Variants in SLC2A8 observed in about 807,000 individuals in gnomAD.
SLC2A8 encodes the protein solute carrier family 2 member 8, also known as solute carrier family 2, facilitated glucose transporter member 8.
SLC2A8 carries 53 observed loss-of-function variants against 49.2 expected under a neutral mutation model. The observed-to-expected ratio is 1.08, with a 90% CI of 0.86 to 1.35. The LOEUF (loss-of-function observed/expected upper bound fraction) is 1.35. Ranked by LOEUF, SLC2A8 falls within the 40% of genes most tolerant of loss-of-function variation. The pLI, the probability that SLC2A8 is intolerant of heterozygous loss-of-function variation, is 0.00. For synonymous variants in SLC2A8, 299 were observed against 297.0 expected, an observed-to-expected ratio of 1.01 and a Z score of -0.07; for missense variants, 688 against 671.7, an observed-to-expected ratio of 1.02 and a Z score of -0.27.
Position 127,403,814 on chromosome 9 carries a change from C to T in SLC2A8, c.867+11C>T. 1 of 1,610,128 alleles carries T rather than the reference C, an allele frequency of 6.2e-7. No individual in the cohort carries two copies. On this transcript the variant is annotated intron_variant, in intron 6 of 9. Coordinates refer to ENST00000373371, the MANE Select transcript of SLC2A8 (RefSeq NM_014580.5). ...GAGGCCAAGTTCAAGGTAAAAGGGCCCTGCCTGGCCTGCCTCGTCCAGCCC... is the reference window on the plus strand; with the variant it reads ...GAGGCCAAGTTCAAGGTAAAAGGGCTCTGCCTGGCCTGCCTCGTCCAGCCC...
At chr9:127,400,581 G>A (rs1448364611) in intron 4 of SLC2A8, among the ~76,000 whole-genome samples, 1 of 152,194 alleles carries the variant, frequency 6.6e-6, no homozygotes, top group African/African-American at 2.4e-5. Flanking sequence ...TTACTGTGCA[G>A]TGACAAACCA....
In SLC2A8 at chr9:127,402,588, G is replaced by A. The variant is rs924302616; in HGVS notation, c.558G>A (p.Val186=). 2 of 1,587,126 alleles carry A rather than the reference G, an allele frequency of 1.3e-6. No individual in the cohort carries two copies. The highest frequency in any genetic ancestry group is 2.7e-5 in the African/African-American group (2 of 74,660). Residue 186 remains valine (V), a synonymous_variant, in exon 5 of 10, where the codon GTG becomes GTA. Transcript: ENST00000373371. The part of the protein sequence containing the change: ...GWVLEWRWLA[V]LGCVPPSLML... ...TGCTGGAGTGGCGCTGGCTGGCTGT[G>A]CTGGGCTGCGTGCCCCCCTCCCTCA... is the stretch of plus-strand genomic sequence containing the variant.
Position 127,397,397 on chromosome 9 carries a change from C to T in SLC2A8, c.78C>T (p.Val26=). 1 of 1,472,546 alleles carries T rather than the reference C, an allele frequency of 6.8e-7. No individual in the cohort carries two copies. 91.2% of individuals were successfully genotyped at this position (1,472,546 alleles called of 1,614,324 possible). A position where few individuals can be genotyped will look rare whatever the true frequency, so the allele number is the denominator to read the frequency against. The part of the protein sequence containing the change: ...PGGSAPRGRR[V]FLAAFAAALG... Reference sequence around the variant, plus strand: ...CCAGCGCGCCCCGCGGCCGCCGCGTCTTCCTCGCCGCCTTCGCCGCTGCCC... The same window carrying T: ...CCAGCGCGCCCCGCGGCCGCCGCGTTTTCCTCGCCGCCTTCGCCGCTGCCC... The change falls in exon 2 of 10, where the codon GTC becomes GTT. Residue 26 remains valine (V), a synonymous_variant. Transcript: ENST00000373371.
At chr9:127,403,514 A>G (rs1356326470) in intron 5 of SLC2A8, 146 bp from the exon 6 acceptor site, 40 of 901,336 alleles carry the variant, frequency 4.4e-5, no homozygotes, top group Non-Finnish European at 6.9e-6. Flanking sequence ...ACTTGTCTGC[A>G]CACCTGAGGA....
Position 127,404,965 on chromosome 9 carries a change from T to C in SLC2A8, c.1124T>C (p.Val375Ala), listed in dbSNP as rs1445381631. Residue 375 changes from valine (V) to alanine (A), a missense_variant, in exon 8 of 10, where the codon GTG (valine) becomes GCG (alanine). Transcript: ENST00000373371. ...AGCGTGGGGCTGGCCTGGCTGGCCG[T>C]GGGCAGCATGTGCCTCTTCATCGCC... is the stretch of plus-strand genomic sequence containing the variant. ...DASVGLAWLA[V>A]GSMCLFIAGF... 6.2e-7 allele frequency: 1 copy of C among 1,608,160 alleles called. No homozygotes were observed. The highest frequency in any genetic ancestry group is 2.2e-5 in the East Asian group (1 of 44,776).
At chr9:127,405,082 GC>G (rs1226977178) in intron 8 of SLC2A8, 91 bp downstream of exon 8, 1 of 1,364,502 alleles carries the variant, frequency 7.3e-7, no homozygotes, top group East Asian at 2.3e-5. Context: ...GTCTTCCCCA[GC>G]CTCACCTCTC....
At chr9:127,405,696 T>A in intron 9 of SLC2A8, 131 bp downstream of exon 9, 1 of 1,272,928 alleles carries the variant, frequency 7.9e-7, no homozygotes, top group Non-Finnish European at 1.1e-6. Flanking sequence ...CCTGGGCCAC[T>A]GGCCATCTTG....
intron 9 of SLC2A8, 47 bp from the exon 10 acceptor site, chr9:127,407,065 T>G (rs760346771): frequency 6.2e-7 from 1 of 1,605,934 alleles, no homozygotes; most frequent in Non-Finnish European, 8.5e-7. Flanking sequence ...GCGTGGGGCT[T>G]CCTGATCTCT....
chr9:127,400,103 A>G, intron 4 of SLC2A8, 97 bp downstream of exon 4: 1 of 973,762 alleles, frequency 1.0e-6, no homozygotes, highest in Non-Finnish European at 1.5e-6. Context: ...GACTTGTCTG[A>G]GGTCACATAG....
At chr9:127,405,598 G>T in intron 9 of SLC2A8, 33 bp downstream of exon 9, 1 of 1,611,250 alleles carries the variant, frequency 6.2e-7, no homozygotes, top group Non-Finnish European at 8.5e-7. Flanking sequence ...CCGCGTTCGT[G>T]CAGTCAGCCG....
chr9:127,403,740 G>A lies in SLC2A8; in HGVS notation c.804G>A (p.Gln268=). The A allele has an allele frequency of 2.5e-6, 4 of 1,613,292 alleles. No homozygotes were observed. Among genetic ancestry groups the A allele is most frequent in the Non-Finnish European group, 3.4e-6 (4 of 1,179,992 alleles). ...GCGTCTCCCTGATGGCCTTCCAGCA[G>A]CTGTCGGGGGTCAACGCCGTCATGT... ...IIGVSLMAFQ[Q]LSGVNAVMFY... is the part of the protein sequence containing the mutation. The change falls in exon 6 of 10, where the codon CAG becomes CAA. Residue 268 remains glutamine, a synonymous_variant. Coordinates refer to ENST00000373371, the MANE Select transcript of SLC2A8 (RefSeq NM_014580.5).
In SLC2A8 at chr9:127,403,538, G is replaced by A. The variant is rs539989984; in HGVS notation, c.724-122G>A. 708 of 1,162,522 alleles carry A rather than the reference G, an allele frequency of 6.1e-4. 14 individuals carry two copies. In the South Asian group the frequency reaches 8.8e-3, roughly 14 times the overall value. 72.0% of individuals were successfully genotyped at this position (1,162,522 alleles called of 1,614,324 possible). On this transcript the variant is annotated intron_variant, in intron 5 of 9. Coordinates refer to ENST00000373371, the MANE Select transcript of SLC2A8 (RefSeq NM_014580.5). ...CACACCTGAGGACACAGGGGGTGCT[G>A]GGATGAGGAGCCAAGACGTGGGAGT...
Position 127,407,472 on chromosome 9 carries a change from G to C in SLC2A8, c.*223G>C, listed in dbSNP as rs777138272. On this transcript the variant is annotated 3_prime_UTR_variant, in exon 10 of 10. Transcript: ENST00000373371. ...GCTCTGAGGACTCAGGAACACCTTC[G>C]AGCTTTGCAGACCTGCGGTCAGCCC... 1.5e-6 allele frequency: 1 copy of C among 681,730 alleles called. No individual in the cohort carries two copies. The highest frequency in any genetic ancestry group is 2.7e-6 in the Non-Finnish European group (1 of 364,522). The allele number at this position is 681,730 out of a possible 1,614,324, so 42.2% of individuals were successfully genotyped here. A position where few individuals can be genotyped will look rare whatever the true frequency, so the allele number is the denominator to read the frequency against.
intron 9 of SLC2A8, among the ~76,000 whole-genome samples, chr9:127,406,486 A>G (rs1420289232): frequency 6.6e-6 from 1 of 152,188 alleles, no homozygotes. Context: ...GGAGGTGACA[A>G]AGGACCTAAC....
intron 2 of SLC2A8, 71 bp downstream of exon 2, chr9:127,397,609 T>C: frequency 2.2e-6 from 3 of 1,356,914 alleles, no homozygotes; most frequent in Non-Finnish European, 2.8e-6. Flanking sequence ...ATCGGGACCC[T>C]CCGCCCCCCA....
intron 5 of SLC2A8, 161 bp from the exon 6 acceptor site, chr9:127,403,499 C>A: frequency 1.3e-6 from 1 of 772,350 alleles, no homozygotes; most frequent in Non-Finnish European, 2.1e-6. Flanking sequence ...CATGGGGAGG[C>A]TGGGACTTGT....
rs748877317 is a variant in SLC2A8, at chr9:127,403,649, C to T, written c.724-11C>T. 4.3e-6 allele frequency: 7 copies of T among 1,612,704 alleles called. No individual in the cohort carries two copies. Among genetic ancestry groups the T allele is most frequent in the South Asian group, 2.2e-5 (2 of 91,082 alleles). On this transcript the variant is annotated splice_polypyrimidine_tract_variant and intron_variant, in intron 5 of 9. Transcript: ENST00000373371. ...GAGAGAAATCCTGATGGCCAGTATC[C>T]GTCAGAGCAGAGCTTTCACCTGGCC...
In SLC2A8 at chr9:127,404,742, G is replaced by A. The variant is rs1833423683; in HGVS notation, c.977-76G>A. On this transcript the variant is annotated intron_variant, in intron 7 of 9. Coordinates refer to ENST00000373371, the MANE Select transcript of SLC2A8 (RefSeq NM_014580.5). Reference sequence around the variant, plus strand: ...CTGGGAGCCGGGCCTGCCCCTCTCAGAGGCATCCAGGCCATGCTGCTGCGC... The same window carrying A: ...CTGGGAGCCGGGCCTGCCCCTCTCAAAGGCATCCAGGCCATGCTGCTGCGC... 25 of 1,500,566 alleles carry A rather than the reference G, an allele frequency of 1.7e-5. No homozygotes were observed. In the South Asian group the frequency reaches 2.9e-4, roughly 17 times the overall value. The allele number at this position is 1,500,566 out of a possible 1,614,324, so 93.0% of individuals were successfully genotyped here. A position where few individuals can be genotyped will look rare whatever the true frequency, so the allele number is the denominator to read the frequency against.
In SLC2A8 at chr9:127,397,266, TC is replaced by T. The variant is rs745922622; in HGVS notation, c.37del (p.Leu13TrpfsTer64). On this transcript the variant is annotated frameshift_variant, in exon 1 of 10. Transcript: ENST00000373371. LOFTEE classifies it high-confidence loss of function. ...AGGACCCAGAGGAAACCCAGCCGCT[TC>T]TGGGGCCTCCTGGCGGCAGGTGAGC... ...PEDPEETQPL[L>X]GPPGGSAPRG... 5.6e-5 allele frequency: 79 copies of T among 1,406,936 alleles called. No homozygotes were observed. In the East Asian group the frequency reaches 2.3e-3, roughly 42 times the overall value. The allele number at this position is 1,406,936 out of a possible 1,614,324, so 87.2% of individuals were successfully genotyped here.
Sources: allele counts gnomAD v4.1 joint callset (sites outside exome capture counted in the v4.1 genomes callset), GRCh38; gene constraint gnomAD v4.1.1; transcripts MANE v1.5; gene names NCBI Gene and HGNC (gene_info 2026-07-23, HGNC 2026-07-21).